LHX8: variants seen among roughly 807,000 people sequenced by gnomAD.
LHX8 encodes LIM homeobox 8.
In LHX8, 12 loss-of-function variants were observed where a neutral mutation model predicts 40.3. That is an observed-to-expected ratio of 0.30 (90% CI 0.19 to 0.48). The LOEUF is 0.48. Ranked by LOEUF, LHX8 falls within the 20% of genes least tolerant of loss-of-function variation. LHX8 has a pLI of 0.99. For synonymous variants in LHX8, 179 were observed against 162.0 expected, an observed-to-expected ratio of 1.10 and a Z score of -0.80; for missense variants, 344 against 433.7, an observed-to-expected ratio of 0.79 and a Z score of 1.84.
the LHX8 span, among the ~76,000 whole-genome samples, chr1:75,180,525 T>C: frequency 1.3e-5 from 2 of 152,218 alleles, no homozygotes; most frequent in African/African-American, 2.4e-5. Flanking sequence ...TCTCATGCCA[T>C]GGTTTTCAGC....
chr1:75,144,501 T>G (rs1648409225), intron 6 of LHX8, among the ~76,000 whole-genome samples: 1 of 152,148 alleles, frequency 6.6e-6, no homozygotes, highest in South Asian at 2.1e-4. Context: ...TTAAAGGTGG[T>G]AAAGGGAGTA....
At chr1:75,179,745 G>T in the LHX8 span, among the ~76,000 whole-genome samples, 1 of 152,042 alleles carries the variant, frequency 6.6e-6, no homozygotes, top group African/African-American at 2.4e-5. Context: ...ATGTCAGTTG[G>T]CTATTTTGCC....
chr1:75,158,322 T>C (rs1212605743), intron 8 of LHX8, among the ~76,000 whole-genome samples: 3 of 152,242 alleles, frequency 2.0e-5, no homozygotes. Context: ...GAATATTTTC[T>C]CCTACTTAGT....
At chr1:75,180,546 C>A in the LHX8 span, among the ~76,000 whole-genome samples, 1 of 152,162 alleles carries the variant, frequency 6.6e-6, no homozygotes, top group Non-Finnish European at 1.5e-5. Flanking sequence ...TCCATTAGGT[C>A]ATTTAAGGTC....
intron 7 of LHX8, among the ~76,000 whole-genome samples, chr1:75,151,541 C>T (rs570102386): frequency 6.6e-6 from 1 of 152,248 alleles, no homozygotes; most frequent in South Asian, 2.1e-4. Context: ...GGCTTCCCTG[C>T]AACGGAATGT....
chr1:75,187,246 C>G, the LHX8 span, among the ~76,000 whole-genome samples: 2 of 152,132 alleles, frequency 1.3e-5, no homozygotes, highest in Non-Finnish European at 2.9e-5. Flanking sequence ...CAAAACTTGG[C>G]CCCAGTAAAG....
intron 7 of LHX8, among the ~76,000 whole-genome samples, chr1:75,154,654 G>T (rs1332873210): frequency 6.6e-6 from 1 of 152,108 alleles, no homozygotes; most frequent in African/African-American, 2.4e-5. Flanking sequence ...ACTAGTGTTA[G>T]TAGTGACATC....
intron 3 of LHX8, 106 bp from the exon 4 acceptor site, chr1:75,140,879 A>G (rs1330327674): frequency 4.0e-6 from 4 of 1,007,990 alleles, no homozygotes; most frequent in Non-Finnish European, 6.2e-6. Flanking sequence ...CATTCAGAGC[A>G]TGTGTTAATA....
intron 8 of LHX8, chr1:75,160,569 G>A (rs1242815088): frequency 1.9e-6 from 1 of 513,286 alleles, no homozygotes; most frequent in Non-Finnish European, 3.5e-6. Context: ...AGTGAATGGG[G>A]TATGGATGGA....
chr1:75,185,182 G>A, the LHX8 span, among the ~76,000 whole-genome samples: 1 of 151,726 alleles, frequency 6.6e-6, no homozygotes, highest in African/African-American at 2.4e-5. Context: ...TATGTACAAA[G>A]AAGAGCTGGT....
chr1:75,148,487 C>T, intron 6 of LHX8, 100 bp from the exon 7 acceptor site: 5 of 806,570 alleles, frequency 6.2e-6, no homozygotes, highest in Non-Finnish European at 8.7e-6. Context: ...AAAAGTATCC[C>T]ATGTTCTTGT....
intron 5 of LHX8, 144 bp from the exon 6 acceptor site, chr1:75,143,701 G>A (rs1648381856): frequency 1.4e-6 from 1 of 700,410 alleles, no homozygotes; most frequent in East Asian, 2.7e-5. Context: ...TATATCTGTA[G>A]TATGTTTTAA....
chr1:75,145,977 T>A (rs1336230185), intron 6 of LHX8, among the ~76,000 whole-genome samples: 1 of 152,174 alleles, frequency 6.6e-6, no homozygotes, highest in Non-Finnish European at 1.5e-5. Flanking sequence ...ATTCAATATT[T>A]ATTAGCATTT....
chr1:75,130,844 C>A, upstream of LHX8: 1 of 1,065,522 alleles, frequency 9.4e-7, no homozygotes, highest in Non-Finnish European at 1.5e-6. Context: ...GTCTCCTAAC[C>A]CTGAACCAAG....
At chr1:75,158,241 T>G (rs1648823093) in intron 8 of LHX8, among the ~76,000 whole-genome samples, 1 of 152,236 alleles carries the variant, frequency 6.6e-6, no homozygotes, top group Admixed American at 6.5e-5. Flanking sequence ...CTTTATTATT[T>G]ATTTAAATGG....
chr1:75,195,989 G>A, the LHX8 span, among the ~76,000 whole-genome samples: 1 of 152,200 alleles, frequency 6.6e-6, no homozygotes, highest in Non-Finnish European at 1.5e-5. Flanking sequence ...TAGAGTCTGT[G>A]CCTTCATGGG....
At chr1:75,146,855 G>T (rs1387658546) in intron 6 of LHX8, among the ~76,000 whole-genome samples, 1 of 151,980 alleles carries the variant, frequency 6.6e-6, no homozygotes, top group Non-Finnish European at 1.5e-5. Flanking sequence ...AATACAATTT[G>T]ATTGCAGTTA....
chr1:75,139,560 G>GA (rs1383405459), intron 3 of LHX8, among the ~76,000 whole-genome samples: 1 of 151,898 alleles, frequency 6.6e-6, no homozygotes, highest in African/African-American at 2.4e-5. Context: ...CCCATTTTAG[G>GA]AAAAAAATAT....
At chr1:75,155,636 G>T (rs1162712491) in intron 7 of LHX8, among the ~76,000 whole-genome samples, 1 of 152,096 alleles carries the variant, frequency 6.6e-6, no homozygotes, top group African/African-American at 2.4e-5. Context: ...AGACTTACTT[G>T]CCCTGACCTG....
Sources: allele counts gnomAD v4.1 joint callset (sites outside exome capture counted in the v4.1 genomes callset), GRCh38; gene constraint gnomAD v4.1.1; transcripts MANE v1.5; gene names NCBI Gene and HGNC (gene_info 2026-07-23, HGNC 2026-07-21).